The following BACH2 variants were observed in gnomAD, a reference collection of about 807,000 sequenced individuals.
The protein encoded by BACH2 is BACH transcriptional regulator 2.
A neutral mutation model predicts 61.8 loss-of-function variants in BACH2; 5 were observed. The observed-to-expected ratio is 0.08, with a 90% CI of 0.04 to 0.17. The LOEUF is 0.17. BACH2 is among the 10% of genes least tolerant of loss of function. The pLI is 1.00. For synonymous variants in BACH2, 446 were observed against 440.1 expected (o/e 1.01, Z -0.17); for missense variants, 824 against 1,091.1 (o/e 0.76, Z 3.45).
chr6:89,964,055 G>A lies in BACH2; in HGVS notation c.244-12193C>T, dbSNP rs1275840583. ...TGAATATCACACTCTGGGGACTGTT[G>A]TGGGGTGGGAGGAGTGGGGAGGGAT... On this transcript the variant is annotated intron_variant, in intron 6 of 8. Transcript: ENST00000257749. Among the ~76,000 whole-genome samples, 3 of 152,146 alleles carry A rather than the reference G, an allele frequency of 2.0e-5. No individual in the cohort carries two copies. The East Asian group carries it at 5.8e-4, about 29-fold the overall frequency.
chr6:90,006,593 G>A (rs186895863), intron 6 of BACH2, among the ~76,000 whole-genome samples: 114 of 152,242 alleles, frequency 7.5e-4, no homozygotes, highest in African/African-American at 2.6e-3. Flanking sequence ...ATGTGAAAAC[G>A]CTAGTGCTTA....
chr6:90,107,473 C>T (rs1028931056), intron 4 of BACH2, among the ~76,000 whole-genome samples: 1 of 152,076 alleles, frequency 6.6e-6, no homozygotes, highest in Non-Finnish European at 1.5e-5. Context: ...AAATAAAGCA[C>T]AATTTTATTA....
chr6:90,002,413 G>T (rs1331074297), intron 6 of BACH2, among the ~76,000 whole-genome samples: 1 of 152,174 alleles, frequency 6.6e-6, no homozygotes, highest in African/African-American at 2.4e-5. Flanking sequence ...TTCTGGCCAT[G>T]TAAGTCCAAC....
Position 89,932,886 on chromosome 6 carries a change from C to G in BACH2, c.2048G>C (p.Cys683Ser). Residue 683 changes from cysteine (C) to serine (S), a missense_variant, in exon 9 of 9, where the codon TGT becomes TCT. By Grantham distance (112) the Cys-to-Ser change is moderately radical. Transcript: ENST00000257749. ...NLECEIRKLV[C>S]EKEKLLSERN... Reference sequence around the variant, plus strand: ...CTCTGACAACAGTTTCTCTTTCTCACACACCTGGACAGTAGAGAAAAAAAG... The same window carrying G: ...CTCTGACAACAGTTTCTCTTTCTCAGACACCTGGACAGTAGAGAAAAAAAG... 1 of 1,578,710 alleles carries G rather than the reference C, an allele frequency of 6.3e-7. No individual in the cohort carries two copies. Among genetic ancestry groups the G allele is most frequent in the African/African-American group, 1.3e-5 (1 of 74,312 alleles).
chr6:90,188,175 T>C (rs752170072), intron 4 of BACH2, among the ~76,000 whole-genome samples: 1 of 152,240 alleles, frequency 6.6e-6, no homozygotes, highest in Non-Finnish European at 1.5e-5. Flanking sequence ...AGCCAGCTGT[T>C]TGCTTTTGAT....
At chr6:90,193,395 C>T (rs1768644231) in intron 4 of BACH2, among the ~76,000 whole-genome samples, 1 of 152,148 alleles carries the variant, frequency 6.6e-6, no homozygotes, top group Admixed American at 6.5e-5. Context: ...TGTGAAGAGA[C>T]TCGGGAAAAG....
intron 6 of BACH2, among the ~76,000 whole-genome samples, chr6:89,995,331 C>T (rs1776786489): frequency 6.6e-6 from 1 of 151,782 alleles, no homozygotes; most frequent in African/African-American, 2.4e-5. Context: ...TTTCCTCTCA[C>T]TGGAAGTTAT....
rs13193923 is a variant in BACH2, at chr6:89,948,204, G to A, written c.1836+2066C>T. On this transcript the variant is annotated intron_variant, in intron 7 of 8. Transcript: ENST00000257749. ...ACACCACCCTCCCTTGAGCTTAATG[G>A]CCAGCCTTTTATTTTTTTTTGAGAC... 2.8e-3 allele frequency among the ~76,000 whole-genome samples: 429 copies of A among 151,994 alleles called. 2 individuals are homozygous for A. The highest frequency in any genetic ancestry group is 4.4e-3 in the Non-Finnish European group (302 of 67,950).
rs555795305 is a variant in BACH2, at chr6:90,013,767, G to C, written c.-12-4911C>G. 3.2e-3 allele frequency among the ~76,000 whole-genome samples: 485 copies of C among 151,898 alleles called. 2 individuals carry two copies. The highest frequency in any genetic ancestry group is 0.01 in the African/African-American group (423 of 41,414). On this transcript the variant is annotated intron_variant, in intron 5 of 8. Coordinates refer to ENST00000257749, the MANE Select transcript of BACH2 (RefSeq NM_021813.4). The stretch of plus-strand genomic sequence containing the variant: ...TTGTGATCCCCCCGCCTTGGCCTCT[G>C]AAAGTGCTGGGATTATAGGTGTGAG...
chr6:90,167,347 CT>C (rs1292559712), intron 4 of BACH2, among the ~76,000 whole-genome samples: 1 of 151,910 alleles, frequency 6.6e-6, no homozygotes, highest in Non-Finnish European at 1.5e-5. Flanking sequence ...TATCAGCTAC[CT>C]CCTTTTTTCT....
chr6:90,092,963 G>C (rs2127808835), intron 4 of BACH2, among the ~76,000 whole-genome samples: 1 of 152,282 alleles, frequency 6.6e-6, no homozygotes, highest in Non-Finnish European at 1.5e-5. Flanking sequence ...CCATCAATCT[G>C]AGGCCTGCAG....
At chr6:89,938,723 G>A (rs558883907) in intron 7 of BACH2, among the ~76,000 whole-genome samples, 3 of 152,260 alleles carry the variant, frequency 2.0e-5, no homozygotes, top group Non-Finnish European at 4.4e-5. Context: ...GTTATAGGGA[G>A]ATACCACATA....
chr6:90,097,285 T>C (rs1366437522), intron 4 of BACH2, among the ~76,000 whole-genome samples: 1 of 152,006 alleles, frequency 6.6e-6, no homozygotes, highest in Non-Finnish European at 1.5e-5. Flanking sequence ...TTTTTAAAAA[T>C]AGTGAGTTTA....
chr6:90,295,864 A>G (rs1772345698), intron 1 of BACH2, among the ~76,000 whole-genome samples: 1 of 151,940 alleles, frequency 6.6e-6, no homozygotes, highest in Non-Finnish European at 1.5e-5. Context: ...CTGCGACCCT[A>G]AACTTGGGCT....
At chr6:90,096,990 T>C (rs1582352095) in intron 4 of BACH2, among the ~76,000 whole-genome samples, 2 of 152,344 alleles carry the variant, frequency 1.3e-5, no homozygotes. Flanking sequence ...CATGTGGCAC[T>C]GTCAGGGCTG....
At chr6:89,998,422 A>G (rs1286414358) in intron 6 of BACH2, among the ~76,000 whole-genome samples, 1 of 152,208 alleles carries the variant, frequency 6.6e-6, no homozygotes, top group Non-Finnish European at 1.5e-5. Flanking sequence ...GACTGTCAAC[A>G]TATTTTAGGA....
intron 6 of BACH2, among the ~76,000 whole-genome samples, chr6:89,952,360 T>C (rs866465464): frequency 8.5e-5 from 13 of 152,058 alleles, no homozygotes; most frequent in African/African-American, 2.9e-4. Context: ...TAAAAATAGG[T>C]TTTCCTCACT....
rs139818017 is a variant in BACH2, at chr6:90,030,606, G to T, written c.-12-21750C>A. On this transcript the variant is annotated intron_variant, in intron 5 of 8. Transcript: ENST00000257749. ...CGCAAATAAACTAGAAAATCTAGAA[G>T]AAATGGATAAATTCCTTGACACATA... 5.1e-3 allele frequency among the ~76,000 whole-genome samples: 771 copies of T among 152,218 alleles called. 6 individuals carry two copies. Among genetic ancestry groups the T allele is most frequent in the African/African-American group, 0.018 (729 of 41,534 alleles).
chr6:90,021,299 T>TAAAAAAAAAAAA (rs200724602), intron 5 of BACH2, among the ~76,000 whole-genome samples: 1 of 100,242 alleles, frequency 1.0e-5, no homozygotes, highest in African/African-American at 3.3e-5. Context: ...AGCAAAAAAG[T>TAAAAAAAAAAAA]AAAAAAAAAA....
Sources: allele counts gnomAD v4.1 joint callset (sites outside exome capture counted in the v4.1 genomes callset), GRCh38; gene constraint gnomAD v4.1.1; transcripts MANE v1.5; gene names NCBI Gene and HGNC (gene_info 2026-07-23, HGNC 2026-07-21).